The following GLIS3 variants were observed in gnomAD, a reference collection of about 807,000 sequenced individuals.
The protein encoded by GLIS3 is zinc finger protein GLIS3.
Under a neutral mutation model 78.6 loss-of-function variants are expected in GLIS3, and 53 were observed. The ratio of observed to expected loss-of-function variants is 0.67; its 90% confidence interval spans 0.54 to 0.85. The LOEUF (loss-of-function observed/expected upper bound fraction) is 0.85, where lower values mean the gene tolerates loss of function less well. Ranked by LOEUF, GLIS3 falls within the 40% of genes least tolerant of loss-of-function variation. GLIS3 has a pLI of 0.00. For missense variants in GLIS3, 1,703 were observed against 1,231.1 expected (o/e 1.38, Z -5.74); for synonymous variants, 684 against 509.9 (o/e 1.34, Z -4.60).
rs758509889 is a variant in GLIS3, at chr9:3,969,777, T to C, written c.1711-32588A>G. 7.9e-5 allele frequency among the ~76,000 whole-genome samples: 12 copies of C among 152,300 alleles called. 1 individual carries two copies. Among genetic ancestry groups the C allele is most frequent in the African/African-American group, 2.6e-4 (11 of 41,566 alleles). On this transcript the variant is annotated intron_variant, in intron 4 of 10. Coordinates refer to ENST00000381971, the MANE Select transcript of GLIS3 (RefSeq NM_001042413.2). ...CAAGCTTGTCAGAAGCCCCAGATGG[T>C]TGCTTTCAGTCACTCCTAATGACAG...
At chr9:3,856,403 A>G (rs924883002) in intron 8 of GLIS3, among the ~76,000 whole-genome samples, 2 of 152,220 alleles carry the variant, frequency 1.3e-5, no homozygotes, top group South Asian at 2.1e-4. Context: ...GGAATAAACA[A>G]GTACAATAAA....
At chr9:4,479,692 G>A in the GLIS3 span, among the ~76,000 whole-genome samples, 5 of 152,062 alleles carry the variant, frequency 3.3e-5, no homozygotes, top group African/African-American at 1.2e-4. Context: ...TGTTGGTGTT[G>A]GTGTGGTTGT....
the GLIS3 span, among the ~76,000 whole-genome samples, chr9:4,361,406 C>G: frequency 2.1e-3 from 325 of 152,334 alleles, 3 homozygotes; most frequent in African/African-American, 7.3e-3. Context: ...GCTTCTCTTA[C>G]TCCCCTAAAG....
At chr9:4,063,671 A>G (rs565759869) in intron 4 of GLIS3, among the ~76,000 whole-genome samples, 17 of 152,238 alleles carry the variant, frequency 1.1e-4, no homozygotes, top group Non-Finnish European at 1.9e-4. Context: ...GGTCCTAAAT[A>G]AGACAAACAA....
chr9:4,071,904 A>T (rs1464780682), intron 4 of GLIS3: 1 of 152,240 alleles, frequency 6.6e-6, no homozygotes, highest in Non-Finnish European at 1.5e-5. Context: ...AATGCAAAAG[A>T]TAAACAATAG....
At chr9:4,054,640 C>A (rs1563991720) in intron 4 of GLIS3, 2 of 241,634 alleles carry the variant, frequency 8.3e-6, no homozygotes, top group African/African-American at 4.6e-5. Context: ...TGAAACTTGA[C>A]CTAATTATTT....
At chr9:3,885,427 C>T (rs1563812339) in intron 7 of GLIS3, among the ~76,000 whole-genome samples, 1 of 152,182 alleles carries the variant, frequency 6.6e-6, no homozygotes, top group African/African-American at 2.4e-5. Flanking sequence ...GCTCCTCATG[C>T]AGGCTTGCTC....
At chr9:3,869,664 G>A (rs1040518810) in intron 8 of GLIS3, among the ~76,000 whole-genome samples, 1 of 152,186 alleles carries the variant, frequency 6.6e-6, no homozygotes, top group African/African-American at 2.4e-5. Context: ...ACTGGGACCT[G>A]CCAATGACCT....
At chr9:4,163,872 A>G (rs1245308738) in intron 2 of GLIS3, among the ~76,000 whole-genome samples, 2 of 152,232 alleles carry the variant, frequency 1.3e-5, no homozygotes, top group Admixed American at 1.3e-4. Context: ...ATAACAACAT[A>G]TAATGAAAAG....
chr9:3,923,994 G>C (rs908857585), intron 6 of GLIS3, among the ~76,000 whole-genome samples: 1 of 152,232 alleles, frequency 6.6e-6, no homozygotes, highest in African/African-American at 2.4e-5. Context: ...GAGTTCATGA[G>C]CTTCCTAAAA....
intron 2 of GLIS3, among the ~76,000 whole-genome samples, chr9:4,203,594 C>G (rs1293057091): frequency 6.6e-6 from 1 of 152,204 alleles, no homozygotes; most frequent in Non-Finnish European, 1.5e-5. Context: ...AATCCCATTA[C>G]TGGATCTGGG....
At chr9:4,202,906 T>C (rs1337332886) in intron 2 of GLIS3, among the ~76,000 whole-genome samples, 1 of 152,126 alleles carries the variant, frequency 6.6e-6, no homozygotes, top group Non-Finnish European at 1.5e-5. Context: ...GACATTGCCA[T>C]GGGAAAGAAT....
intron 2 of GLIS3, among the ~76,000 whole-genome samples, chr9:4,239,076 C>G (rs573013948): frequency 4.6e-4 from 68 of 147,486 alleles, no homozygotes; most frequent in African/African-American, 1.7e-3. Context: ...CTTTCTTAAT[C>G]CAGTCTATCA....
intron 2 of GLIS3, among the ~76,000 whole-genome samples, chr9:4,195,705 G>A (rs1000296122): frequency 1.3e-5 from 2 of 152,278 alleles, no homozygotes; most frequent in Admixed American, 6.5e-5. Flanking sequence ...CATGGCCACA[G>A]CGCGGGATCC....
intron 4 of GLIS3, among the ~76,000 whole-genome samples, chr9:3,949,997 T>A (rs1816569307): frequency 6.6e-6 from 1 of 152,148 alleles, no homozygotes; most frequent in East Asian, 1.9e-4. Context: ...CATCTCAAAG[T>A]ACATATTCCA....
chr9:4,331,262 C>T (rs1014819516), intron 2 of GLIS3, among the ~76,000 whole-genome samples: 8 of 152,176 alleles, frequency 5.3e-5, no homozygotes, highest in African/African-American at 1.9e-4. Context: ...TCTCTGCTTC[C>T]ATCTTCACAG....
At chr9:4,458,907 A>G in the GLIS3 span, among the ~76,000 whole-genome samples, 1 of 152,178 alleles carries the variant, frequency 6.6e-6, no homozygotes. Flanking sequence ...AAGCAAGGGG[A>G]CCACTGTGCT....
At chr9:4,167,758 C>T (rs147209530) in intron 2 of GLIS3, among the ~76,000 whole-genome samples, 2 of 152,216 alleles carry the variant, frequency 1.3e-5, no homozygotes, top group African/African-American at 2.4e-5. Flanking sequence ...CTTTCATATA[C>T]TTTTCTGCAA....
chr9:4,409,157 A>G, the GLIS3 span, among the ~76,000 whole-genome samples: 1 of 152,208 alleles, frequency 6.6e-6, no homozygotes, highest in African/African-American at 2.4e-5. Flanking sequence ...TGCTTATATA[A>G]GCAAGACCTT....
Sources: gnomAD v4.1 joint callset for allele counts (sites outside exome capture counted in the v4.1 genomes callset) on GRCh38, gnomAD v4.1.1 for gene constraint, MANE v1.5 for transcripts, NCBI Gene and HGNC (gene_info 2026-07-23, HGNC 2026-07-21) for gene names.